Variants in SLC44A5 observed in about 807,000 individuals in gnomAD.
SLC44A5 encodes solute carrier family 44 member 5, also known as choline transporter-like protein 5.
In SLC44A5, 57 loss-of-function variants were observed where a neutral mutation model predicts 101.8. The observed-to-expected ratio is 0.56, with a 90% CI of 0.45 to 0.70. The LOEUF is 0.70. SLC44A5 is among the 30% of genes least tolerant of loss of function. SLC44A5 has a pLI of 0.00. For missense variants in SLC44A5, 737 were observed against 853.1 expected (o/e 0.86, Z 1.70); for synonymous variants, 281 against 290.9 (o/e 0.97, Z 0.35).
At chr1:75,690,256 G>A in the SLC44A5 span, among the ~76,000 whole-genome samples, 1 of 152,150 alleles carries the variant, frequency 6.6e-6, no homozygotes. Context: ...GTCTTACATG[G>A]TGGCAGGCAA....
chr1:75,268,866 A>G (rs768465407), intron 6 of SLC44A5, among the ~76,000 whole-genome samples: 11 of 152,148 alleles, frequency 7.2e-5, no homozygotes, highest in East Asian at 1.9e-4. Flanking sequence ...CATTTAATCA[A>G]TCTCCTATTG....
At chr1:75,361,625 TCTG>T (rs2101117471) in intron 3 of SLC44A5, among the ~76,000 whole-genome samples, 1 of 152,254 alleles carries the variant, frequency 6.6e-6, no homozygotes, top group East Asian at 1.9e-4. Flanking sequence ...TGTGCTTCAT[TCTG>T]CTAATGTAGG....
chr1:75,376,294 A>G (rs1378378942), intron 3 of SLC44A5, among the ~76,000 whole-genome samples: 4 of 152,230 alleles, frequency 2.6e-5, no homozygotes, highest in African/African-American at 9.6e-5. Context: ...TTGCCTAGGT[A>G]AACAAAGCAG....
intron 1 of SLC44A5, among the ~76,000 whole-genome samples, chr1:75,559,595 A>T (rs1672408077): frequency 2.6e-5 from 4 of 152,206 alleles, no homozygotes. Context: ...TGCACTGTTC[A>T]CAGTACAGAG....
At chr1:75,332,811 T>C (rs1657148658) in intron 4 of SLC44A5, among the ~76,000 whole-genome samples, 1 of 152,208 alleles carries the variant, frequency 6.6e-6, no homozygotes, top group African/African-American at 2.4e-5. Context: ...CTTTAGACCT[T>C]AGTGATAGCA....
chr1:75,251,592 A>T (rs1649581613), intron 6 of SLC44A5, among the ~76,000 whole-genome samples: 1 of 152,156 alleles, frequency 6.6e-6, no homozygotes, highest in Admixed American at 6.6e-5. Context: ...AATTTAATGG[A>T]TGGTGAAATT....
the SLC44A5 span, among the ~76,000 whole-genome samples, chr1:75,681,039 A>C: frequency 6.6e-6 from 1 of 151,198 alleles, no homozygotes; most frequent in Non-Finnish European, 1.5e-5. Context: ...CTTGACACAT[A>C]CACTCTCCCA....
chr1:75,460,090 C>T (rs1666415464), intron 2 of SLC44A5, among the ~76,000 whole-genome samples: 1 of 152,172 alleles, frequency 6.6e-6, no homozygotes, highest in African/African-American at 2.4e-5. Flanking sequence ...ACACATCGAA[C>T]ATAAACTATA....
intron 5 of SLC44A5, among the ~76,000 whole-genome samples, chr1:75,283,765 AC>A (rs1454653935): frequency 1.6e-5 from 2 of 127,456 alleles, no homozygotes; most frequent in East Asian, 1.5e-3. Context: ...TCCTTTCCCT[AC>A]TTTTTTTTTT....
chr1:75,232,926 T>A lies in SLC44A5; in HGVS notation c.853+1060A>T, dbSNP rs373853710. On this transcript the variant is annotated intron_variant, in intron 12 of 23. Transcript: ENST00000370859. ...ATGTGCAAAGCTCTTCTTCATTGAA[T>A]GACAGAAATAAGAGATTGTTATTTT... 3.9e-5 allele frequency among the ~76,000 whole-genome samples: 6 copies of A among 152,198 alleles called. No homozygotes were observed. The East Asian group carries it at 1.2e-3, about 29-fold the overall frequency.
At position 75,203,156 on chromosome 1, in the gene SLC44A5, G is replaced by A. The variant is rs1450446579; in HGVS notation, c.*571C>T. The A allele has an allele frequency of 6.6e-6, 1 of 152,168 alleles. No individual in the cohort carries two copies. The highest frequency in any genetic ancestry group is 2.4e-5 in the African/African-American group (1 of 41,448). 9.4% of individuals were successfully genotyped at this position (152,168 alleles called of 1,614,324 possible). A position where few individuals can be genotyped will look rare whatever the true frequency, so the allele number is the denominator to read the frequency against. On this transcript the variant is annotated 3_prime_UTR_variant, in exon 24 of 24. Transcript: ENST00000370859. The stretch of plus-strand genomic sequence containing the variant: ...AAAGCTGGGTAATATTAAATAGCCA[G>A]TAAGGCACTTTGTCAGAGGGCTAAG...
chr1:75,326,106 G>A (rs1408807487), intron 4 of SLC44A5, among the ~76,000 whole-genome samples: 1 of 148,570 alleles, frequency 6.7e-6, no homozygotes, highest in East Asian at 2.0e-4. Flanking sequence ...GTGTGTGTGT[G>A]TGTGTGTGTG....
At chr1:75,603,776 T>G (rs1453473155) in intron 1 of SLC44A5, among the ~76,000 whole-genome samples, 3 of 120,724 alleles carry the variant, frequency 2.5e-5, no homozygotes, top group Non-Finnish European at 5.4e-5. Flanking sequence ...TTTTTGCTGC[T>G]TGTATGTCTT....
chr1:75,325,083 A>G (rs1194912290), intron 4 of SLC44A5, among the ~76,000 whole-genome samples: 1 of 152,268 alleles, frequency 6.6e-6, no homozygotes, highest in East Asian at 1.9e-4. Flanking sequence ...AAAAATTCTC[A>G]ACACAACCAG....
chr1:75,494,510 G>T (rs1308051078), intron 2 of SLC44A5, among the ~76,000 whole-genome samples: 1 of 152,088 alleles, frequency 6.6e-6, no homozygotes, highest in African/African-American at 2.4e-5. Flanking sequence ...AATCACTAAT[G>T]CCCTGGGAAT....
chr1:75,643,039 T>G, the SLC44A5 span, among the ~76,000 whole-genome samples: 8 of 152,130 alleles, frequency 5.3e-5, no homozygotes, highest in Admixed American at 1.3e-4. Context: ...ATGAGAAACT[T>G]AATTAATTCT....
At chr1:75,528,445 G>A (rs559838012) in intron 2 of SLC44A5, among the ~76,000 whole-genome samples, 5 of 152,252 alleles carry the variant, frequency 3.3e-5, no homozygotes, top group South Asian at 2.1e-4. Context: ...TGGATTTTAC[G>A]AAATTAAGAG....
At chr1:75,459,586 G>A (rs767403184) in intron 2 of SLC44A5, among the ~76,000 whole-genome samples, 4 of 152,152 alleles carry the variant, frequency 2.6e-5, no homozygotes, top group Non-Finnish European at 5.9e-5. Context: ...AGGAAATACA[G>A]TAGCTTTCAG....
intron 1 of SLC44A5, among the ~76,000 whole-genome samples, chr1:75,584,086 G>A (rs1016848707): frequency 6.6e-6 from 1 of 152,176 alleles, no homozygotes; most frequent in Non-Finnish European, 1.5e-5. Flanking sequence ...TGTCTTAAAT[G>A]AAAATTTATC....
Sources: allele counts gnomAD v4.1 joint callset (sites outside exome capture counted in the v4.1 genomes callset), GRCh38; gene constraint gnomAD v4.1.1; transcripts MANE v1.5; gene names NCBI Gene and HGNC (gene_info 2026-07-23, HGNC 2026-07-21).